The following TMC1 variants were observed in gnomAD, a reference collection of about 807,000 sequenced individuals.
The protein encoded by TMC1 is transmembrane channel like 1, also known as transmembrane channel-like protein 1.
TMC1 carries 84 observed loss-of-function variants against 105.8 expected under a neutral mutation model. The ratio of observed to expected loss-of-function variants is 0.79; its 90% CI spans 0.67 to 0.95. The LOEUF (loss-of-function observed/expected upper bound fraction) is 0.95. TMC1 is among the 40% of genes least tolerant of loss of function. The pLI is 0.00. For missense variants in TMC1, 817 were observed against 914.1 expected (o/e 0.89, Z 1.37); for synonymous variants, 315 against 311.5 (o/e 1.01, Z -0.12).
At chr9:72,587,548 A>G (rs1205736797) in intron 2 of TMC1, among the ~76,000 whole-genome samples, 1 of 152,196 alleles carries the variant, frequency 6.6e-6, no homozygotes, top group Non-Finnish European at 1.5e-5. Flanking sequence ...TTGGCAACAT[A>G]GCCCTGTTTT....
At chr9:72,775,757 T>C (rs760093579) in intron 13 of TMC1, among the ~76,000 whole-genome samples, 1 of 152,134 alleles carries the variant, frequency 6.6e-6, no homozygotes, top group Non-Finnish European at 1.5e-5. Context: ...ACAAGAAGCA[T>C]GGAGTCAGCT....
intron 1 of TMC1, among the ~76,000 whole-genome samples, chr9:72,532,887 C>A (rs1335969474): frequency 6.6e-6 from 1 of 152,212 alleles, no homozygotes; most frequent in African/African-American, 2.4e-5. Flanking sequence ...GCAAAGCAAA[C>A]TATTTTTAAT....
At chr9:72,624,731 C>T (rs1825316103) in intron 3 of TMC1, among the ~76,000 whole-genome samples, 1 of 152,212 alleles carries the variant, frequency 6.6e-6, no homozygotes, top group Admixed American at 6.5e-5. Context: ...GTTGTGGGAG[C>T]TTCTGTGGAA....
chr9:72,652,378 CT>C lies in TMC1; in HGVS notation c.16+3715del. Among the ~76,000 whole-genome samples the C allele has an allele frequency of 3.3e-5, 5 of 152,082 alleles. 1 individual carries two copies. The highest frequency in any genetic ancestry group is 3.3e-4 in the Admixed American group (5 of 15,266). On this transcript the variant is annotated intron_variant, in intron 5 of 23. Transcript: ENST00000297784. ...AAAGTTTCTAAAATCACGTGGCTTC[CT>C]AGGGAAAGCATATAGAATGACAAGG...
chr9:72,614,831 C>T (rs1825098933), intron 2 of TMC1, among the ~76,000 whole-genome samples: 1 of 152,096 alleles, frequency 6.6e-6, no homozygotes, highest in South Asian at 2.1e-4. Flanking sequence ...CAGTGCCTGC[C>T]ACCATACCTG....
In TMC1 at chr9:72,742,424, G is replaced by T. The variant is rs771053186; in HGVS notation, c.454-20G>T. The T allele has an allele frequency of 6.2e-7, 1 of 1,606,794 alleles. No individual in the cohort carries two copies. The highest frequency in any genetic ancestry group is 1.1e-5 in the South Asian group (1 of 90,658). On this transcript the variant is annotated intron_variant, in intron 9 of 23. Transcript: ENST00000297784. ...AATCAAGAGGTTGGACTTTACTTTT[G>T]TATTTGACTTTCTTTTCAGAAATGG...
intron 4 of TMC1, among the ~76,000 whole-genome samples, chr9:72,639,625 G>A (rs972720863): frequency 2.0e-5 from 3 of 152,070 alleles, no homozygotes; most frequent in Admixed American, 6.5e-5. Context: ...TGGCAGAGTC[G>A]CTCGTGAAAT....
At chr9:72,641,810 C>CTTTTTTTTTTTTTT (rs896125209) in intron 4 of TMC1, among the ~76,000 whole-genome samples, 1 of 86,996 alleles carries the variant, frequency 1.1e-5, no homozygotes, top group Non-Finnish European at 2.1e-5. Flanking sequence ...AGTCCCAAAT[C>CTTTTTTTTTTTTTT]TTTTTTTTTT....
chr9:72,623,805 G>T (rs1163458955), intron 3 of TMC1, among the ~76,000 whole-genome samples: 1 of 152,076 alleles, frequency 6.6e-6, no homozygotes, highest in Non-Finnish European at 1.5e-5. Flanking sequence ...TGTTTCTAGG[G>T]TATAGAGTAA....
At chr9:72,607,632 A>C (rs1824946738) in intron 2 of TMC1, among the ~76,000 whole-genome samples, 1 of 147,814 alleles carries the variant, frequency 6.8e-6, no homozygotes, top group Admixed American at 6.8e-5. Flanking sequence ...AAAAAAAAAA[A>C]AAGAGTATCA....
At chr9:72,570,252 TGTGTGTGTGTGTGG>T (rs1004649415) in intron 1 of TMC1, among the ~76,000 whole-genome samples, 5 of 115,542 alleles carry the variant, frequency 4.3e-5, no homozygotes, top group Non-Finnish European at 8.7e-5. Context: ...TGTGTGTGTG[TGTGTGTGTGTGTGG>T]TAAATACTTA....
intron 2 of TMC1, among the ~76,000 whole-genome samples, chr9:72,594,697 A>C (rs1478884868): frequency 6.6e-6 from 1 of 152,048 alleles, no homozygotes; most frequent in Non-Finnish European, 1.5e-5. Flanking sequence ...ATATTCTATC[A>C]CATCTATTTT....
At position 72,522,843 on chromosome 9, in the gene TMC1, A is replaced by C. The variant is rs536770813; in HGVS notation, c.-428+930A>C. On this transcript the variant is annotated intron_variant, in intron 1 of 23. Transcript: ENST00000297784. ...ATTTTAAAGGAACTCAGCCTAGTGC[A>C]GTTTCTCAACCTTAGCACTATTGGC... Among the ~76,000 whole-genome samples, 4 of 152,322 alleles carry C rather than the reference A, an allele frequency of 2.6e-5. No homozygotes were observed. The East Asian group carries it at 5.8e-4, about 22-fold the overall frequency.
At chr9:72,522,926 T>C (rs1823340555) in intron 1 of TMC1, among the ~76,000 whole-genome samples, 2 of 152,202 alleles carry the variant, frequency 1.3e-5, no homozygotes, top group Non-Finnish European at 2.9e-5. Context: ...GTAGGATGTT[T>C]AGCAGCATCC....
chr9:72,814,748 C>A (rs1000247552), intron 18 of TMC1, among the ~76,000 whole-genome samples: 2 of 152,126 alleles, frequency 1.3e-5, no homozygotes, highest in African/African-American at 4.8e-5. Flanking sequence ...GAAGTTGAGG[C>A]CTGGATTCAT....
At chr9:72,766,143 C>T (rs766649170) in intron 12 of TMC1, among the ~76,000 whole-genome samples, 5 of 152,058 alleles carry the variant, frequency 3.3e-5, no homozygotes, top group Non-Finnish European at 5.9e-5. Context: ...CTCGGCTGGG[C>T]GTGGTGGCTC....
At chr9:72,739,739 C>T (rs72733052) in intron 8 of TMC1, among the ~76,000 whole-genome samples, 21,892 of 151,944 alleles carry the variant, frequency 0.14, 1,925 homozygotes, top group African/African-American at 0.25. Context: ...TAAAGGAATT[C>T]TTTAAAAAGA....
rs143131910 is a variant in TMC1, at chr9:72,685,964, A to G, written c.17-2745A>G. Among the ~76,000 whole-genome samples the G allele has an allele frequency of 2.3e-3, 346 of 152,338 alleles. 3 individuals carry two copies. Among genetic ancestry groups the G allele is most frequent in the African/African-American group, 7.8e-3 (325 of 41,592 alleles). On this transcript the variant is annotated intron_variant, in intron 5 of 23. Coordinates refer to ENST00000297784, the MANE Select transcript of TMC1 (RefSeq NM_138691.3). Reference sequence around the variant, plus strand: ...TACTTTCAGCATTATAGATTTAAAAAGAAGCCCCAGAACAACATCCACTTT... The same window carrying G: ...TACTTTCAGCATTATAGATTTAAAAGGAAGCCCCAGAACAACATCCACTTT...
intron 23 of TMC1, among the ~76,000 whole-genome samples, chr9:72,835,591 T>C (rs1829108591): frequency 6.6e-6 from 1 of 152,200 alleles, no homozygotes; most frequent in African/African-American, 2.4e-5. Flanking sequence ...ATAATGTGTA[T>C]GGCCACCCAG....
Sources: allele counts gnomAD v4.1 joint callset (sites outside exome capture counted in the v4.1 genomes callset), GRCh38; gene constraint gnomAD v4.1.1; transcripts MANE v1.5; gene names NCBI Gene and HGNC (gene_info 2026-07-23, HGNC 2026-07-21).